Variants in PPIE observed in about 807,000 individuals in gnomAD.
The protein encoded by PPIE is peptidylprolyl isomerase E.
Under a neutral mutation model 38.4 loss-of-function variants are expected in PPIE, and 20 were observed. That is an observed-to-expected ratio of 0.52 (90% CI 0.37 to 0.76). PPIE has a LOEUF of 0.76. Among genes scored for constraint, PPIE ranks in the 30% least tolerant of loss-of-function variants. PPIE has a pLI of 0.00. For missense variants in PPIE, 322 were observed against 385.8 expected (o/e 0.83, Z 1.39); for synonymous variants, 142 against 135.7 (o/e 1.05, Z -0.32).
Position 39,738,905 on chromosome 1 carries a change from C to A in PPIE, c.5C>A (p.Ala2Asp). ...GCGGAAAAGCGCGCGAGCAAGATGG[C>A]CACCACCAAGCGCGTCTTGTACGTG... Reference protein sequence around the residue: MATTKRVLYVGG... With the variant: MDTTKRVLYVGG... The change falls in exon 1 of 10, where the codon GCC (alanine) becomes GAC (aspartate). Residue 2 changes from alanine to aspartate, a missense_variant. Ala to Asp is a moderately radical substitution (Grantham distance 126). Coordinates refer to ENST00000324379, the MANE Select transcript of PPIE (RefSeq NM_006112.4). The A allele has an allele frequency of 6.6e-7, 1 of 1,508,162 alleles. No homozygotes were observed. Among genetic ancestry groups the A allele is most frequent in the South Asian group, 1.3e-5 (1 of 76,710 alleles). 93.4% of individuals were successfully genotyped at this position (1,508,162 alleles called of 1,614,324 possible). A position where few individuals can be genotyped will look rare whatever the true frequency, so the allele number is the denominator to read the frequency against.
chr1:39,749,960 C>T (rs376480228), intron 8 of PPIE, among the ~76,000 whole-genome samples: 1 of 152,042 alleles, frequency 6.6e-6, no homozygotes, highest in South Asian at 2.1e-4. Flanking sequence ...ATGGAGAAAC[C>T]CCATCTCTAC....
At chr1:39,763,314 A>G (rs1649285612) in intron 9 of PPIE, 1 of 1,058,136 alleles carries the variant, frequency 9.5e-7, no homozygotes, top group Admixed American at 2.4e-5. Context: ...GCTTGAATCC[A>G]CCCAGGAACC....
downstream of PPIE, chr1:39,758,680 G>A (rs1648546853): frequency 6.6e-6 from 1 of 152,296 alleles, no homozygotes; most frequent in Non-Finnish European, 1.5e-5. Flanking sequence ...ATAGAAAATG[G>A]AGGCGCAGAT....
At chr1:39,756,889 A>G (rs1168734885), downstream of PPIE, among the ~76,000 whole-genome samples, 1 of 152,208 alleles carries the variant, frequency 6.6e-6, no homozygotes, top group Admixed American at 6.5e-5. Flanking sequence ...TTTTTGAAAA[A>G]GGGGGTCAAG....
intron 9 of PPIE, 90 bp downstream of exon 9, chr1:39,753,142 G>C: frequency 1.3e-6 from 2 of 1,593,656 alleles, no homozygotes; most frequent in African/African-American, 1.3e-5. Context: ...GCCTGAGAGA[G>C]ATGGCCAGGG....
rs1557452184 is a variant in PPIE, at chr1:39,749,210, C to T, written c.694+122C>T. ...ACTAAGAGTCTGGAGGAGACCCAGC[C>T]ACCAGACATAGGAGAACCATGCAGC... On this transcript the variant is annotated intron_variant, in intron 8 of 9. Transcript: ENST00000324379. The T allele has an allele frequency of 8.7e-6, 9 of 1,035,900 alleles. No individual in the cohort carries two copies. In the East Asian group the frequency reaches 2.3e-4, roughly 26 times the overall value. 64.2% of individuals were successfully genotyped at this position (1,035,900 alleles called of 1,614,324 possible). A position where few individuals can be genotyped will look rare whatever the true frequency, so the allele number is the denominator to read the frequency against.
downstream of PPIE, chr1:39,757,507 C>T (rs1648408770): frequency 6.6e-6 from 1 of 152,290 alleles, no homozygotes; most frequent in Non-Finnish European, 1.5e-5. Context: ...GACTACGAAT[C>T]CCCTGCTGAC....
At position 39,740,208 on chromosome 1, in the gene PPIE, G is replaced by A. The variant is rs140630770; in HGVS notation, c.75G>A (p.Ala25=). The change falls in exon 2 of 10, where the codon GCG becomes GCA. Residue 25 remains alanine, a synonymous_variant. Transcript: ENST00000324379. ...TGGACGACAAAGTTCTTCATGCTGC[G>A]TTCATTCCTTTTGGAGACATCACAG... ...EEVDDKVLHA[A]FIPFGDITDI... The A allele has an allele frequency of 3.2e-5, 52 of 1,614,152 alleles. No homozygotes were observed. In the South Asian group the frequency reaches 4.9e-4, roughly 15 times the overall value.
intron 7 of PPIE, 48 bp from the exon 8 acceptor site, chr1:39,748,855 T>G: frequency 6.4e-7 from 1 of 1,555,754 alleles, no homozygotes. Flanking sequence ...AGGTTTTTTA[T>G]TTTGTCCTAT....
Position 39,741,919 on chromosome 1 carries a change from A to G in PPIE, c.199A>G (p.Met67Val). ...GGATGCTGCAGCAGCTATCGACAAC[A>G]TGGTATGGCTGGGAATCTTAATTCT... Reference protein sequence around the residue: ...AEDAAAAIDNMNESELFGRTI... With the variant: ...AEDAAAAIDNVNESELFGRTI... The change falls in exon 4 of 10, where the codon ATG becomes GTG. Residue 67 changes from methionine (M) to valine (V), a missense_variant and splice_region_variant. Transcript: ENST00000324379. 3 of 1,614,204 alleles carry G rather than the reference A, an allele frequency of 1.9e-6. No homozygotes were observed. Among genetic ancestry groups the G allele is most frequent in the Non-Finnish European group, 2.5e-6 (3 of 1,180,014 alleles).
chr1:39,740,621 G>A (rs1360125909), intron 2 of PPIE, among the ~76,000 whole-genome samples: 2 of 152,212 alleles, frequency 1.3e-5, no homozygotes, highest in Non-Finnish European at 2.9e-5. Flanking sequence ...ATTAAATGAG[G>A]CAGCGGGAAA....
intron 2 of PPIE, 82 bp downstream of exon 2, chr1:39,740,345 A>G: frequency 9.1e-7 from 1 of 1,104,972 alleles, no homozygotes; most frequent in Non-Finnish European, 1.3e-6. Flanking sequence ...AATTCTAAAT[A>G]TGCATTCTAA....
At position 39,754,035 on chromosome 1, in the gene PPIE, A is replaced by G; in HGVS notation, c.*680A>G. The G allele has an allele frequency of 1.0e-5, 10 of 985,482 alleles. No individual in the cohort carries two copies. The highest frequency in any genetic ancestry group is 1.2e-5 in the Non-Finnish European group (10 of 829,936). 61.0% of individuals were successfully genotyped at this position (985,482 alleles called of 1,614,324 possible). On this transcript the variant is annotated 3_prime_UTR_variant, in exon 10 of 10. Transcript: ENST00000324379. ...ACAGATTTTAAAAAATGAAATTTTTATAACTCAAAGTGCCTTCTCTGTGCC... is the reference window on the plus strand; with the variant it reads ...ACAGATTTTAAAAAATGAAATTTTTGTAACTCAAAGTGCCTTCTCTGTGCC...
At chr1:39,747,732 C>A (rs1647291195) in intron 7 of PPIE, 1 of 152,186 alleles carries the variant, frequency 6.6e-6, no homozygotes, top group Middle Eastern at 3.2e-3. Flanking sequence ...TCCCATAGTG[C>A]TGGGATTACA....
downstream of PPIE, chr1:39,760,194 T>TAAA (rs1557466489): frequency 5.4e-6 from 4 of 747,222 alleles, no homozygotes; most frequent in Admixed American, 8.9e-5. Context: ...CACTGCCTGA[T>TAAA]GATTGAGACC....
intron 4 of PPIE, chr1:39,742,245 A>G (rs1366603014): frequency 4.0e-6 from 1 of 247,458 alleles, no homozygotes; most frequent in Non-Finnish European, 7.8e-6. Context: ...GCAGGATTTC[A>G]TGAAGTGTTA....
chr1:39,744,073 T>C lies in PPIE; in HGVS notation c.384+149T>C, dbSNP rs538449256. The C allele has an allele frequency of 6.8e-6, 4 of 586,794 alleles. No individual in the cohort carries two copies. In the South Asian group the frequency reaches 9.2e-5, roughly 13 times the overall value. 36.3% of individuals were successfully genotyped at this position (586,794 alleles called of 1,614,324 possible). A position where few individuals can be genotyped will look rare whatever the true frequency, so the allele number is the denominator to read the frequency against. On this transcript the variant is annotated intron_variant, in intron 6 of 9. Coordinates refer to ENST00000324379, the MANE Select transcript of PPIE (RefSeq NM_006112.4). ...CTTAGTACTTTGGTAAAGTCAATATTGAGTTCTTAGTACTTTGGTAAAGTC... is the reference window on the plus strand; with the variant it reads ...CTTAGTACTTTGGTAAAGTCAATATCGAGTTCTTAGTACTTTGGTAAAGTC...
Position 39,755,042 on chromosome 1 carries a change from C to A in PPIE, c.*1687C>A. 1.0e-6 allele frequency: 1 copy of A among 985,460 alleles called. No individual in the cohort carries two copies. The highest frequency in any genetic ancestry group is 1.2e-6 in the Non-Finnish European group (1 of 829,936). The allele number at this position is 985,460 out of a possible 1,614,324, so 61.0% of individuals were successfully genotyped here. On this transcript the variant is annotated 3_prime_UTR_variant, in exon 10 of 10. Coordinates refer to ENST00000324379, the MANE Select transcript of PPIE (RefSeq NM_006112.4). ...CTGAAGAGAACAAATGGTCCCACCC[C>A]CTGCTGAGCTCACAGTCTGGCTCTC...
downstream of PPIE, chr1:39,760,238 C>T: frequency 1.9e-6 from 2 of 1,060,906 alleles, no homozygotes; most frequent in Non-Finnish European, 2.6e-6. Context: ...CACACAAATG[C>T]CTGGCAGGGC....
Sources: gnomAD v4.1 joint callset for allele counts (sites outside exome capture counted in the v4.1 genomes callset) on GRCh38, gnomAD v4.1.1 for gene constraint, MANE v1.5 for transcripts, NCBI Gene and HGNC (gene_info 2026-07-23, HGNC 2026-07-21) for gene names.